Variants in HEMK2 observed in about 807,000 individuals in gnomAD.
The protein encoded by HEMK2 is methyltransferase HEMK2.
the HEMK2 span, among the ~76,000 whole-genome samples, chr21:28,799,081 T>C: frequency 1.3e-5 from 2 of 151,522 alleles, no homozygotes; most frequent in Non-Finnish European, 1.5e-5. Context: ...AGCACCTCCC[T>C]AGGATTGCCA....
chr21:28,618,599 TCTC>T, the HEMK2 span, among the ~76,000 whole-genome samples: 2 of 152,178 alleles, frequency 1.3e-5, no homozygotes, highest in Admixed American at 6.6e-5. Context: ...TTTGGATTGA[TCTC>T]CTTCTTCTTA....
the HEMK2 span, chr21:28,885,183 T>C: frequency 6.5e-7 from 1 of 1,529,684 alleles, no homozygotes; most frequent in African/African-American, 1.4e-5. Context: ...CGCAACCCTT[T>C]CCCGTCAGAG....
At chr21:28,835,356 G>A in the HEMK2 span, among the ~76,000 whole-genome samples, 13 of 152,278 alleles carry the variant, frequency 8.5e-5, no homozygotes, top group East Asian at 9.6e-4. Flanking sequence ...CCAGAACTGC[G>A]TAGACTCACT....
chr21:28,779,907 G>C, the HEMK2 span, among the ~76,000 whole-genome samples: 2 of 152,138 alleles, frequency 1.3e-5, no homozygotes, highest in Non-Finnish European at 2.9e-5. Context: ...CTACACCTGA[G>C]ATTAATGCTG....
the HEMK2 span, among the ~76,000 whole-genome samples, chr21:28,830,163 G>A: frequency 6.6e-6 from 1 of 152,100 alleles, no homozygotes; most frequent in Admixed American, 6.6e-5. Flanking sequence ...GACACTTACG[G>A]CAGAAAATAT....
the HEMK2 span, among the ~76,000 whole-genome samples, chr21:28,749,836 C>T: frequency 1.3e-5 from 2 of 152,198 alleles, no homozygotes; most frequent in Non-Finnish European, 2.9e-5. Flanking sequence ...CTTACGAGAA[C>T]ATCAGAGGAG....
chr21:28,692,803 G>GA, the HEMK2 span, among the ~76,000 whole-genome samples: 1 of 152,068 alleles, frequency 6.6e-6, no homozygotes, highest in African/African-American at 2.4e-5. Flanking sequence ...ATTCAAACAA[G>GA]AGGCTATTAT....
the HEMK2 span, among the ~76,000 whole-genome samples, chr21:28,768,727 G>A: frequency 6.6e-6 from 1 of 151,982 alleles, no homozygotes; most frequent in Admixed American, 6.6e-5. Flanking sequence ...CTAAGGTCCT[G>A]TTATGGACTA....
the HEMK2 span, among the ~76,000 whole-genome samples, chr21:28,801,392 T>A: frequency 3.3e-5 from 5 of 152,204 alleles, no homozygotes; most frequent in African/African-American, 7.2e-5. Flanking sequence ...ATTCTTTTTT[T>A]AAAAGGGATA....
At chr21:28,803,075 C>T in the HEMK2 span, among the ~76,000 whole-genome samples, 1 of 152,156 alleles carries the variant, frequency 6.6e-6, no homozygotes, top group Admixed American at 6.5e-5. Flanking sequence ...TGAAGTTAGC[C>T]CTGGTTGCAC....
chr21:28,622,448 T>C, the HEMK2 span, among the ~76,000 whole-genome samples: 2 of 152,144 alleles, frequency 1.3e-5, no homozygotes, highest in African/African-American at 4.8e-5. Context: ...CAAGTTACCA[T>C]TGACTTTCTT....
At chr21:28,796,391 C>G in the HEMK2 span, among the ~76,000 whole-genome samples, 1 of 152,296 alleles carries the variant, frequency 6.6e-6, no homozygotes, top group Non-Finnish European at 1.5e-5. Context: ...CTGTCTGCCT[C>G]AGCCTCCCAA....
At chr21:28,683,935 T>G in the HEMK2 span, among the ~76,000 whole-genome samples, 1 of 152,218 alleles carries the variant, frequency 6.6e-6, no homozygotes, top group Non-Finnish European at 1.5e-5. Context: ...TTTTGGGATA[T>G]GTATCTCCTT....
the HEMK2 span, among the ~76,000 whole-genome samples, chr21:28,645,515 A>G: frequency 1.3e-5 from 2 of 152,220 alleles, no homozygotes. Context: ...AGAATTTTTC[A>G]CATCATGGTC....
the HEMK2 span, among the ~76,000 whole-genome samples, chr21:28,636,204 T>C: frequency 6.6e-6 from 1 of 152,308 alleles, no homozygotes; most frequent in Non-Finnish European, 1.5e-5. Context: ...ACCCCACTAA[T>C]AATGGTTCAT....
the HEMK2 span, among the ~76,000 whole-genome samples, chr21:28,698,395 A>T: frequency 6.6e-6 from 1 of 152,208 alleles, no homozygotes; most frequent in Non-Finnish European, 1.5e-5. Context: ...GTTTAAAATA[A>T]TGTTGAGCAC....
the HEMK2 span, among the ~76,000 whole-genome samples, chr21:28,861,099 T>A: frequency 6.6e-6 from 1 of 152,204 alleles, no homozygotes; most frequent in Non-Finnish European, 1.5e-5. Flanking sequence ...AACAGATTCG[T>A]GAAGGCAGCA....
chr21:28,716,916 ACATT>A, the HEMK2 span, among the ~76,000 whole-genome samples: 1 of 152,188 alleles, frequency 6.6e-6, no homozygotes, highest in Non-Finnish European at 1.5e-5. Flanking sequence ...GTGGTGAATC[ACATT>A]TATTGATTTG....
chr21:28,578,375 G>A, the HEMK2 span, among the ~76,000 whole-genome samples: 1 of 152,160 alleles, frequency 6.6e-6, no homozygotes, highest in Non-Finnish European at 1.5e-5. Flanking sequence ...CACCCTTCTG[G>A]TGAAGGAAGG....
Sources: gnomAD v4.1 joint callset for allele counts (sites outside exome capture counted in the v4.1 genomes callset) on GRCh38, gnomAD v4.1.1 for gene constraint, MANE v1.5 for transcripts, NCBI Gene and HGNC (gene_info 2026-07-23, HGNC 2026-07-21) for gene names.